The following TMEM50B variants were observed in gnomAD, a reference collection of about 807,000 sequenced individuals.
The protein encoded by TMEM50B is transmembrane protein 50B.
TMEM50B carries 14 observed loss-of-function variants against 23.4 expected under a neutral mutation model. The ratio of observed to expected loss-of-function variants is 0.60; its 90% CI spans 0.39 to 0.93. The LOEUF (loss-of-function observed/expected upper bound fraction) is 0.93, where lower values mean the gene tolerates loss of function less well. TMEM50B is among the 40% of genes least tolerant of loss of function. The probability of loss-of-function intolerance (pLI) is 0.00; values close to 1 mark genes in which losing one functional copy is unlikely to be tolerated. For missense variants in TMEM50B, 159 were observed against 193.0 expected (o/e 0.82, Z 1.04); for synonymous variants, 64 against 62.3 (o/e 1.03, Z -0.13).
chr21:33,445,209 T>C (rs2084042010), downstream of TMEM50B, among the ~76,000 whole-genome samples: 1 of 151,954 alleles, frequency 6.6e-6, no homozygotes. Flanking sequence ...GCTCCCCAAA[T>C]CAAAGACCCA....
intron 1 of TMEM50B, among the ~76,000 whole-genome samples, chr21:33,474,945 A>C (rs911787471): frequency 1.3e-5 from 2 of 150,738 alleles, no homozygotes; most frequent in Non-Finnish European, 3.0e-5. Context: ...CACCACCCCC[A>C]AGACAGAGTC....
intron 8 of TMEM50B, chr21:33,436,848 G>A: frequency 1.9e-6 from 3 of 1,614,126 alleles, no homozygotes; most frequent in Non-Finnish European, 2.5e-6. Context: ...ACCCAACTCA[G>A]CCCATCTTAG....
intron 1 of TMEM50B, chr21:33,478,871 G>A: frequency 2.1e-6 from 1 of 470,050 alleles, no homozygotes; most frequent in Non-Finnish European, 4.4e-6. Flanking sequence ...AAGTGTCAAG[G>A]GATCCACAGT....
At chr21:33,456,220 A>C (rs1215379881) in intron 5 of TMEM50B, 8 of 423,428 alleles carry the variant, frequency 1.9e-5, no homozygotes, top group Non-Finnish European at 3.9e-5. Flanking sequence ...ATGGGGCCTC[A>C]CTATATTGCC....
chr21:33,458,659 T>C (rs2084191012), intron 5 of TMEM50B, among the ~76,000 whole-genome samples: 1 of 152,080 alleles, frequency 6.6e-6, no homozygotes, highest in Non-Finnish European at 1.5e-5. Context: ...TCAAATTGGA[T>C]TGTGATGATG....
At chr21:33,464,073 T>C (rs2084241744) in intron 4 of TMEM50B, among the ~76,000 whole-genome samples, 1 of 152,194 alleles carries the variant, frequency 6.6e-6, no homozygotes, top group Admixed American at 6.5e-5. Flanking sequence ...GCATAGTGGC[T>C]AAAAGCATGG....
intron 1 of TMEM50B, among the ~76,000 whole-genome samples, chr21:33,478,559 A>G (rs1350089910): frequency 1.3e-5 from 2 of 152,164 alleles, no homozygotes; most frequent in African/African-American, 4.8e-5. Context: ...AAGACTAGCC[A>G]GTGTAAGGCT....
At chr21:33,448,040 T>C (rs950635057), downstream of TMEM50B, among the ~76,000 whole-genome samples, 13 of 152,230 alleles carry the variant, frequency 8.5e-5, no homozygotes, top group African/African-American at 3.1e-4. Context: ...TCACCCAAGC[T>C]GGAGTGCAGT....
intron 6 of TMEM50B, among the ~76,000 whole-genome samples, chr21:33,454,806 C>CTCATCTATAAAATGGGAA (rs2084154482): frequency 6.6e-6 from 1 of 151,954 alleles, no homozygotes; most frequent in Non-Finnish European, 1.5e-5. Flanking sequence ...AAAGCAAGCC[C>CTCATCTATAAAATGGGAA]TAAACTTTAT....
chr21:33,469,370 G>A (rs2084292343), intron 1 of TMEM50B, among the ~76,000 whole-genome samples: 1 of 152,182 alleles, frequency 6.6e-6, no homozygotes, highest in Non-Finnish European at 1.5e-5. Context: ...AGAATTGCTT[G>A]AACCTGGAAG....
chr21:33,444,817 A>AAAAAAAG (rs1271815428), downstream of TMEM50B, among the ~76,000 whole-genome samples: 3 of 150,492 alleles, frequency 2.0e-5, no homozygotes, highest in Non-Finnish European at 4.4e-5. Context: ...AAAAAAAAAA[A>AAAAAAAG]AAAGAAAGAA....
At chr21:33,452,075 T>C (rs1164706173) in intron 6 of TMEM50B, among the ~76,000 whole-genome samples, 1 of 152,212 alleles carries the variant, frequency 6.6e-6, no homozygotes, top group African/African-American at 2.4e-5. Flanking sequence ...TTTCTGTTCA[T>C]CCAATTGTCA....
intron 1 of TMEM50B, among the ~76,000 whole-genome samples, chr21:33,475,581 C>A (rs971318177): frequency 6.6e-6 from 1 of 152,018 alleles, no homozygotes; most frequent in Admixed American, 6.5e-5. Context: ...CTCCTGACCT[C>A]GTGATCCACC....
chr21:33,455,709 A>T lies in TMEM50B; in HGVS notation c.431+18T>A. The T allele has an allele frequency of 6.2e-7, 1 of 1,607,042 alleles. No homozygotes were observed. ...TCTGTAAATGTTACAGGCGTGGTTA[A>T]AAAATAAGGCAACTTACCTAAAAAA... On this transcript the variant is annotated intron_variant, in intron 6 of 6. Coordinates refer to ENST00000542230, the MANE Select transcript of TMEM50B (RefSeq NM_006134.7).
intron 6 of TMEM50B, among the ~76,000 whole-genome samples, chr21:33,453,548 C>T (rs972268939): frequency 9.2e-5 from 14 of 151,980 alleles, no homozygotes; most frequent in African/African-American, 3.1e-4. Flanking sequence ...ACAAAAAATG[C>T]TTGAAGAAAT....
chr21:33,479,760 G>C (rs1408424434), intron 1 of TMEM50B, 78 bp downstream of exon 1: 1 of 152,618 alleles, frequency 6.6e-6, no homozygotes, highest in Non-Finnish European at 1.5e-5. Flanking sequence ...GCCCGACGAG[G>C]GAGCCTCCTT....
chr21:33,457,190 G>A (rs566287387), intron 5 of TMEM50B, among the ~76,000 whole-genome samples: 6 of 152,078 alleles, frequency 3.9e-5, no homozygotes, highest in African/African-American at 1.2e-4. Context: ...GGAGGCAGAG[G>A]TTGCCGTGGG....
intron 4 of TMEM50B, among the ~76,000 whole-genome samples, chr21:33,464,817 A>AAAAAAAAC (rs1214830517): frequency 1.3e-5 from 2 of 151,056 alleles, no homozygotes; most frequent in Admixed American, 6.6e-5. Context: ...AAAAAAAAAA[A>AAAAAAAAC]AAAAAAACAA....
chr21:33,433,473 T>C (rs1415717643), intron 8 of TMEM50B, among the ~76,000 whole-genome samples: 1 of 152,202 alleles, frequency 6.6e-6, no homozygotes, highest in Non-Finnish European at 1.5e-5. Flanking sequence ...ACCACACACA[T>C]GGACCTTGAG....
Sources: allele counts gnomAD v4.1 joint callset (sites outside exome capture counted in the v4.1 genomes callset), GRCh38; gene constraint gnomAD v4.1.1; transcripts MANE v1.5; gene names NCBI Gene and HGNC (gene_info 2026-07-23, HGNC 2026-07-21).